The following ADGRG5 variants were observed in gnomAD, a reference collection of about 807,000 sequenced individuals.
ADGRG5 encodes the protein G protein-coupled receptor 114.
A neutral mutation model predicts 53.2 loss-of-function variants in ADGRG5; 37 were observed. The observed-to-expected ratio is 0.70, with a 90% confidence interval of 0.53 to 0.91. The LOEUF is 0.91. Ranked by LOEUF, ADGRG5 falls within the 40% of genes least tolerant of loss-of-function variation. The pLI is 0.00. For synonymous variants in ADGRG5, 277 were observed against 290.4 expected (o/e 0.95, Z 0.47); for missense variants, 614 against 675.8 (o/e 0.91, Z 1.01).
rs1408656744 is a variant in ADGRG5 at position 57,575,073 on chromosome 16, C to T, written c.1467C>T (p.Thr489=). ...TGCTGCCCCAGCTGTTCCTCTTCAC[C>T]ATCTTAAACTCGCTCTACGGTAGGG... ...VFLLPQLFLF[T]ILNSLYGFFL... The change falls in exon 11 of 12, where the codon ACC becomes ACT. Residue 489 remains threonine (T), a synonymous_variant. Transcript: ENST00000349457. 1 of 1,613,238 alleles carries T rather than the reference C, an allele frequency of 6.2e-7. No individual in the cohort carries two copies. The highest frequency in any genetic ancestry group is 1.3e-5 in the African/African-American group (1 of 74,898).
intron 1 of ADGRG5, among the ~76,000 whole-genome samples, chr16:57,548,502 T>C (rs1412013662): frequency 6.6e-6 from 1 of 152,140 alleles, no homozygotes; most frequent in Non-Finnish European, 1.5e-5. Context: ...TGCAATTTTA[T>C]GACATGATAA....
upstream of ADGRG5, among the ~76,000 whole-genome samples, chr16:57,539,460 T>TG (rs2032458335): frequency 6.6e-6 from 1 of 150,636 alleles, no homozygotes; most frequent in African/African-American, 2.4e-5. Flanking sequence ...ACCCCTTTTT[T>TG]TTTTTTTTTT....
At chr16:57,548,480 A>G (rs1418352511) in intron 1 of ADGRG5, among the ~76,000 whole-genome samples, 2 of 152,094 alleles carry the variant, frequency 1.3e-5, no homozygotes, top group African/African-American at 4.8e-5. Flanking sequence ...GAAACTGCCA[A>G]ATGGTTTTCC....
chr16:57,567,641 G>C (rs935536809), intron 8 of ADGRG5, 50 bp downstream of exon 8: 2 of 1,591,902 alleles, frequency 1.3e-6, no homozygotes, highest in Non-Finnish European at 1.7e-6. Context: ...GGCACATCAC[G>C]CTTCCTTGTG....
intron 1 of ADGRG5, among the ~76,000 whole-genome samples, chr16:57,556,017 G>A (rs2032874651): frequency 1.3e-5 from 2 of 151,850 alleles, no homozygotes; most frequent in South Asian, 2.1e-4. Flanking sequence ...TTCGCCTCCC[G>A]CCATGATTGT....
rs574739783 is a variant in ADGRG5 at position 57,552,006 on chromosome 16, G to C, written c.-39+9305G>C. 4.7e-5 allele frequency among the ~76,000 whole-genome samples: 7 copies of C among 150,280 alleles called. No homozygotes were observed. The South Asian group carries it at 1.5e-3, about 32-fold the overall frequency. ...GGGTGACTAGGTACATTGTCGATGA[G>C]CAGAAATATTTTGAAATAAATCTTT... On this transcript the variant is annotated intron_variant, in intron 1 of 11. Transcript: ENST00000349457.
At position 57,575,085 on chromosome 16, in the gene ADGRG5, G is replaced by A. The variant is rs116598559; in HGVS notation, c.1479G>A (p.Ser493=). ...PQLFLFTILN[S]LYGFFLFLWF... ...TGTTCCTCTTCACCATCTTAAACTCGCTCTACGGTAGGGCTGGAGGGCGGC... is the reference window on the plus strand; with the variant it reads ...TGTTCCTCTTCACCATCTTAAACTCACTCTACGGTAGGGCTGGAGGGCGGC... Residue 493 remains serine, a synonymous_variant, in exon 11 of 12, where the codon TCG becomes TCA. Transcript: ENST00000349457. 15 of 1,611,910 alleles carry A rather than the reference G, an allele frequency of 9.3e-6. No homozygotes were observed. The highest frequency in any genetic ancestry group is 1.7e-5 in the Admixed American group (1 of 59,916).
intron 1 of ADGRG5, among the ~76,000 whole-genome samples, chr16:57,559,098 C>T (rs1357710333): frequency 6.6e-6 from 1 of 151,828 alleles, no homozygotes; most frequent in African/African-American, 2.4e-5. Context: ...AATTTGCCTA[C>T]CTCGGCCACC....
At chr16:57,568,275 CTA>C (rs1461449381) in intron 9 of ADGRG5, 151 bp downstream of exon 9, 7 of 725,910 alleles carry the variant, frequency 9.6e-6, no homozygotes, top group Non-Finnish European at 1.6e-5. Flanking sequence ...CCTCTACTTT[CTA>C]TGTTACTAAT....
chr16:57,567,555 C>A lies in ADGRG5; in HGVS notation c.785C>A (p.Ala262Asp), dbSNP rs973438375. 6.2e-7 allele frequency: 1 copy of A among 1,611,708 alleles called. No homozygotes were observed. The highest frequency in any genetic ancestry group is 8.5e-7 in the Non-Finnish European group (1 of 1,179,922). The stretch of plus-strand genomic sequence containing the variant: ...GTGGGCTGCAGCATCTCCATCGTGG[C>A]CTCGCTGATCACAGTCCTGCTGCAC... ...SLVGCSISIVASLITVLLHFH... is the reference protein window; with the variant it reads ...SLVGCSISIVDSLITVLLHFH... Residue 262 changes from alanine (A) to aspartate (D), a missense_variant, in exon 8 of 12, where the codon GCC becomes GAC. Transcript: ENST00000349457.
rs1358647034 is a variant in ADGRG5, at chr16:57,576,826, T to G, written c.*1288T>G. 6.6e-6 allele frequency: 1 copy of G among 152,228 alleles called. No individual in the cohort carries two copies. Among genetic ancestry groups the G allele is most frequent in the Non-Finnish European group, 1.5e-5 (1 of 68,048 alleles). 9.4% of individuals were successfully genotyped at this position (152,228 alleles called of 1,614,324 possible). A position where few individuals can be genotyped will look rare whatever the true frequency, so the allele number is the denominator to read the frequency against. ...CAGAGCAGGGTGCTCAGGTGGTGGGTGCTCAGGGCCCTGCCCCAGGCCACT... is the reference window on the plus strand; with the variant it reads ...CAGAGCAGGGTGCTCAGGTGGTGGGGGCTCAGGGCCCTGCCCCAGGCCACT... On this transcript the variant is annotated 3_prime_UTR_variant, in exon 12 of 12. Coordinates refer to ENST00000349457, the MANE Select transcript of ADGRG5 (RefSeq NM_001304376.3).
intron 7 of ADGRG5, among the ~76,000 whole-genome samples, chr16:57,567,071 C>T (rs2033153649): frequency 6.6e-6 from 1 of 152,200 alleles, no homozygotes; most frequent in Admixed American, 6.5e-5. Flanking sequence ...GTTCCAGGCT[C>T]ATGCCCTGCT....
At position 57,565,116 on chromosome 16, in the gene ADGRG5, C is replaced by T; in HGVS notation, c.512C>T (p.Pro171Leu). ...SHGHVNNLRD[P>L]VNISFWHNQS... ...GGGCACGTGAACAACCTCAGGGATC[C>T]TGTGAACATCAGCTTCTGGCACAAC... Residue 171 changes from proline to leucine, a missense_variant, in exon 6 of 12, where the codon CCT (proline) becomes CTT (leucine). By Grantham distance (98) the Pro-to-Leu change is moderately conservative. Coordinates refer to ENST00000349457, the MANE Select transcript of ADGRG5 (RefSeq NM_001304376.3). 1 of 1,613,756 alleles carries T rather than the reference C, an allele frequency of 6.2e-7. No homozygotes were observed. The highest frequency in any genetic ancestry group is 8.5e-7 in the Non-Finnish European group (1 of 1,179,674).
chr16:57,554,440 A>C (rs922900971), intron 1 of ADGRG5, among the ~76,000 whole-genome samples: 3 of 151,228 alleles, frequency 2.0e-5, no homozygotes, highest in African/African-American at 7.3e-5. Context: ...GCAGTGGCGC[A>C]ATCTCAGCTC....
At chr16:57,543,246 G>A (rs1399258485) in intron 1 of ADGRG5, 1 of 150,624 alleles carries the variant, frequency 6.6e-6, no homozygotes, top group Non-Finnish European at 1.5e-5. Flanking sequence ...TTCCCAACCT[G>A]GGAAATAGGG....
At chr16:57,559,814 ACTCT>A (rs1470641093) in intron 1 of ADGRG5, among the ~76,000 whole-genome samples, 1 of 149,870 alleles carries the variant, frequency 6.7e-6, no homozygotes. Context: ...CTCCCATCTG[ACTCT>A]CTACTTTCTA....
At chr16:57,548,190 T>A (rs2032664268) in intron 1 of ADGRG5, among the ~76,000 whole-genome samples, 1 of 152,040 alleles carries the variant, frequency 6.6e-6, no homozygotes, top group East Asian at 1.9e-4. Context: ...TTTTTTTTTT[T>A]TTTAAAGAAT....
Position 57,576,206 on chromosome 16 carries a change from TATG to T in ADGRG5, c.*673_*675del, listed in dbSNP as rs1422615393. On this transcript the variant is annotated 3_prime_UTR_variant, in exon 12 of 12. Coordinates refer to ENST00000349457, the MANE Select transcript of ADGRG5 (RefSeq NM_001304376.3). ...CCTCTTTTCCTTTAACTCCCTAAAT[TATG>T]ATGACTCCAAGTCCAAGCCCACCCT... 1 of 152,222 alleles carries T rather than the reference TATG, an allele frequency of 6.6e-6. No homozygotes were observed. The highest frequency in any genetic ancestry group is 2.4e-5 in the African/African-American group (1 of 41,418). 9.4% of individuals were successfully genotyped at this position (152,222 alleles called of 1,614,324 possible).
intron 7 of ADGRG5, 31 bp downstream of exon 7, chr16:57,566,782 C>A (rs111567448): frequency 7.1e-7 from 1 of 1,410,684 alleles, no homozygotes; most frequent in South Asian, 1.7e-5. Context: ...GGGCTCAGAG[C>A]TACAGAGGGC....
Sources: allele counts gnomAD v4.1 joint callset (sites outside exome capture counted in the v4.1 genomes callset), GRCh38; gene constraint gnomAD v4.1.1; transcripts MANE v1.5; gene names NCBI Gene and HGNC (gene_info 2026-07-23, HGNC 2026-07-21).